The following RNF220 variants were observed in gnomAD, a reference collection of about 807,000 sequenced individuals.
RNF220 encodes the protein E3 ubiquitin-protein ligase RNF220.
A neutral mutation model predicts 67.1 loss-of-function variants in RNF220; 7 were observed. That is an observed-to-expected ratio of 0.10 (90% confidence interval 0.06 to 0.20). The LOEUF is 0.20. Ranked by LOEUF, RNF220 falls within the 10% of genes least tolerant of loss-of-function variation. The probability of loss-of-function intolerance (pLI) is 1.00; values close to 1 mark genes in which losing one functional copy is unlikely to be tolerated. For synonymous variants in RNF220, 270 were observed against 283.2 expected, an observed-to-expected ratio of 0.95 and a Z score of 0.47; for missense variants, 565 against 740.3, an observed-to-expected ratio of 0.76 and a Z score of 2.75.
intron 2 of RNF220, among the ~76,000 whole-genome samples, chr1:44,482,140 T>C (rs889502964): frequency 1.3e-5 from 2 of 152,228 alleles, no homozygotes; most frequent in African/African-American, 4.8e-5. Context: ...TTAATTTTCC[T>C]AAAGTTTCTC....
Position 44,614,277 on chromosome 1 carries a change from G to A in RNF220, c.738G>A (p.Gln246=). The change falls in exon 3 of 15, where the codon CAG becomes CAA. Residue 246 remains glutamine (Q), a synonymous_variant. Transcript: ENST00000361799. ...LQEHMEQELE[Q]LAQLPSSKNS... is the part of the protein sequence containing the mutation. ...AGCATATGGAGCAGGAACTGGAGCA[G>A]CTAGCCCAACTGCCCTCGAGGTAAG... 6.2e-7 allele frequency: 1 copy of A among 1,614,024 alleles called. No individual in the cohort carries two copies. The highest frequency in any genetic ancestry group is 1.1e-5 in the South Asian group (1 of 91,022).
intron 2 of RNF220, among the ~76,000 whole-genome samples, chr1:44,488,879 G>A (rs1247787193): frequency 2.0e-5 from 3 of 151,696 alleles, no homozygotes; most frequent in Non-Finnish European, 4.4e-5. Context: ...ACAGGCGCAC[G>A]CCACCACACC....
chr1:44,543,341 T>A (rs537137936), intron 2 of RNF220, among the ~76,000 whole-genome samples: 190 of 150,470 alleles, frequency 1.3e-3, no homozygotes, highest in Non-Finnish European at 2.4e-3. Flanking sequence ...GGGGAGGGGG[T>A]GATGGGGGAG....
chr1:44,536,986 C>G (rs1226475163), intron 2 of RNF220, among the ~76,000 whole-genome samples: 5 of 148,050 alleles, frequency 3.4e-5, no homozygotes, highest in African/African-American at 1.3e-4. Context: ...CCCTACCCCT[C>G]GGTCCCATTT....
intron 2 of RNF220, chr1:44,423,983 T>G: frequency 1.0e-6 from 1 of 985,412 alleles, no homozygotes; most frequent in African/African-American, 1.7e-5. Flanking sequence ...ATCCCCGCTG[T>G]GGTTTTCCTT....
rs1287230838 is a variant in RNF220, at chr1:44,650,279, G to T, written c.1629+322G>T. On this transcript the variant is annotated intron_variant, in intron 14 of 14. Coordinates refer to ENST00000361799, the MANE Select transcript of RNF220 (RefSeq NM_018150.4). The surrounding 1 kb of genome is among the most constrained non-coding windows in gnomAD (Gnocchi z 4.3). ...GCTGGCTGTAGGTAAACAGGACCAG[G>T]GCCTTGGCCCCTCCCCCTCCCATTA... is the stretch of plus-strand genomic sequence containing the variant. The T allele has an allele frequency of 2.0e-6, 1 of 511,948 alleles. No homozygotes were observed. The highest frequency in any genetic ancestry group is 3.5e-6 in the Non-Finnish European group (1 of 285,168). The allele number at this position is 511,948 out of a possible 1,614,324, so 31.7% of individuals were successfully genotyped here.
intron 2 of RNF220, among the ~76,000 whole-genome samples, chr1:44,463,984 G>A (rs971606625): frequency 6.6e-6 from 1 of 152,200 alleles, no homozygotes; most frequent in Non-Finnish European, 1.5e-5. Flanking sequence ...TTCTTTGGAG[G>A]GGTGCCTCCT....
intron 2 of RNF220, among the ~76,000 whole-genome samples, chr1:44,487,693 T>C (rs191718897): frequency 1.0e-4 from 14 of 140,436 alleles, no homozygotes; most frequent in Admixed American, 8.2e-4. Flanking sequence ...ATAATAATAA[T>C]AATAATAATA....
At chr1:44,468,639 C>T (rs551128871) in intron 2 of RNF220, among the ~76,000 whole-genome samples, 54 of 152,148 alleles carry the variant, frequency 3.5e-4, no homozygotes, top group African/African-American at 5.8e-4. Context: ...TTAGGCCAGG[C>T]GCAGTGGCTC....
intron 2 of RNF220, among the ~76,000 whole-genome samples, chr1:44,556,377 G>T (rs1229296120): frequency 6.6e-6 from 1 of 150,536 alleles, no homozygotes; most frequent in Non-Finnish European, 1.5e-5. Context: ...CTTAGCTTTA[G>T]CACAGTGCCT....
At chr1:44,434,444 C>T (rs1298100231) in intron 2 of RNF220, among the ~76,000 whole-genome samples, 1 of 152,116 alleles carries the variant, frequency 6.6e-6, no homozygotes, top group Non-Finnish European at 1.5e-5. Context: ...CGCGGTGGCT[C>T]ACCCCTGTAA....
intron 2 of RNF220, among the ~76,000 whole-genome samples, chr1:44,486,882 T>C (rs953983294): frequency 8.5e-5 from 13 of 152,104 alleles, no homozygotes; most frequent in African/African-American, 3.1e-4. Flanking sequence ...ACCTCTAGGG[T>C]TGTTCTAAGG....
intron 2 of RNF220, among the ~76,000 whole-genome samples, chr1:44,424,817 G>A (rs547786876): frequency 6.6e-6 from 1 of 152,360 alleles, no homozygotes; most frequent in Admixed American, 6.5e-5. Context: ...GCCCAGCGGA[G>A]GGTCTGGAGG....
chr1:44,426,550 A>T (rs1649793792), intron 2 of RNF220, among the ~76,000 whole-genome samples: 1 of 152,164 alleles, frequency 6.6e-6, no homozygotes, highest in Admixed American at 6.5e-5. Flanking sequence ...AACATGGCAA[A>T]ACCCCATCTC....
chr1:44,649,986 G>A lies in RNF220; in HGVS notation c.1629+29G>A, dbSNP rs752655984. ...AGGTGGCATGGGGGTCGGGGAATGG[G>A]AGGCCGCTCCGGGCACTGCCCAGAT... is the stretch of plus-strand genomic sequence containing the variant. On this transcript the variant is annotated intron_variant, in intron 14 of 14. Transcript: ENST00000361799. This position sits in a 1 kb window ranked among gnomAD's most constrained non-coding sequence, Gnocchi z 5.9. The A allele has an allele frequency of 3.9e-5, 62 of 1,609,148 alleles. No individual in the cohort carries two copies. The highest frequency in any genetic ancestry group is 4.8e-5 in the Non-Finnish European group (57 of 1,177,958).
chr1:44,612,497 G>A (rs188482133), intron 2 of RNF220, among the ~76,000 whole-genome samples: 37 of 152,078 alleles, frequency 2.4e-4, no homozygotes, highest in South Asian at 2.3e-3. Context: ...TTCCTCCTTC[G>A]TTTTAGCCCT....
chr1:44,526,913 T>A (rs1172311663), intron 2 of RNF220, among the ~76,000 whole-genome samples: 3 of 152,128 alleles, frequency 2.0e-5, no homozygotes, highest in Non-Finnish European at 1.5e-5. Flanking sequence ...TCCCTTAGCT[T>A]CTCTGACTCA....
chr1:44,625,838 C>T (rs1643922717), intron 4 of RNF220, among the ~76,000 whole-genome samples: 1 of 151,958 alleles, frequency 6.6e-6, no homozygotes, highest in Non-Finnish European at 1.5e-5. Flanking sequence ...CCACATACAT[C>T]CCTAGCTGCA....
chr1:44,585,827 T>G (rs139016573), intron 2 of RNF220, among the ~76,000 whole-genome samples: 104 of 152,306 alleles, frequency 6.8e-4, no homozygotes, highest in African/African-American at 2.5e-3. Context: ...GTTGTGAGAT[T>G]GTCTGACCTT....
Sources: allele counts gnomAD v4.1 joint callset (sites outside exome capture counted in the v4.1 genomes callset), GRCh38; gene constraint gnomAD v4.1.1; non-coding constraint Gnocchi (gnomAD v3.1); transcripts MANE v1.5; gene names NCBI Gene and HGNC (gene_info 2026-07-23, HGNC 2026-07-21).